Variants in SLC11A2 observed in about 807,000 individuals in gnomAD.
SLC11A2 encodes the protein natural resistance-associated macrophage protein 2.
SLC11A2 carries 38 observed loss-of-function variants against 68.0 expected under a neutral mutation model. The ratio of observed to expected loss-of-function variants is 0.56; its 90% CI spans 0.43 to 0.73. The LOEUF (loss-of-function observed/expected upper bound fraction) is 0.73. Among genes scored for constraint, SLC11A2 ranks in the 30% least tolerant of loss-of-function variants. The pLI is 0.00. For missense variants in SLC11A2, 517 were observed against 690.5 expected, an observed-to-expected ratio of 0.75 and a Z score of 2.82; for synonymous variants, 242 against 250.6, an observed-to-expected ratio of 0.97 and a Z score of 0.32.
intron 5 of SLC11A2, among the ~76,000 whole-genome samples, chr12:51,003,233 TCAAA>T (rs768941259): frequency 1.1e-4 from 17 of 150,890 alleles, no homozygotes; most frequent in African/African-American, 2.7e-4. Flanking sequence ...AAACTCCGTC[TCAAA>T]CAAACAAACA....
intron 1 of SLC11A2, chr12:51,024,290 G>C (rs990682876): frequency 1.3e-5 from 2 of 152,246 alleles, no homozygotes; most frequent in Non-Finnish European, 2.9e-5. Flanking sequence ...ATATCTGTCA[G>C]CAGACATTTG....
chr12:50,970,369 A>G, the SLC11A2 span: 1 of 812,426 alleles, frequency 1.2e-6, no homozygotes, highest in Non-Finnish European at 2.1e-6. Context: ...TTTCATAAAA[A>G]TACAACAAGT....
At chr12:50,993,952 A>C (rs781325657) in intron 11 of SLC11A2, among the ~76,000 whole-genome samples, 59 of 130,648 alleles carry the variant, frequency 4.5e-4, no homozygotes, top group Non-Finnish European at 7.2e-4. Flanking sequence ...TGATCGAGCC[A>C]CTGTACCCCA....
chr12:50,997,705 A>AAT (rs1941835940), intron 8 of SLC11A2, among the ~76,000 whole-genome samples: 1 of 148,830 alleles, frequency 6.7e-6, no homozygotes, highest in East Asian at 2.0e-4. Context: ...AAAAAAAAAA[A>AAT]GGCCAGGCAT....
the SLC11A2 span, among the ~76,000 whole-genome samples, chr12:50,968,609 T>G: frequency 6.6e-6 from 1 of 152,010 alleles, no homozygotes; most frequent in Non-Finnish European, 1.5e-5. Context: ...GAGTGCAATC[T>G]CAGCTCACTG....
chr12:51,027,116 A>G (rs224576), upstream of SLC11A2, among the ~76,000 whole-genome samples: 137,488 of 151,122 alleles, frequency 0.91, 62,822 homozygotes, highest in East Asian at 0.98. Flanking sequence ...GCGGAGGTGC[A>G]GTGAGCCGAG....
chr12:50,953,856 T>C, the SLC11A2 span: 3 of 556,392 alleles, frequency 5.4e-6, no homozygotes, highest in African/African-American at 1.9e-5. Flanking sequence ...GGAAAGACAA[T>C]TGTTTCAGTT....
At chr12:51,004,458 T>C (rs1384447540) in intron 5 of SLC11A2, among the ~76,000 whole-genome samples, 3 of 152,194 alleles carry the variant, frequency 2.0e-5, no homozygotes, top group African/African-American at 4.8e-5. Flanking sequence ...TGGAGTAACA[T>C]GGAGGTATGA....
At chr12:50,975,140 C>G (rs1436843382), downstream of SLC11A2, among the ~76,000 whole-genome samples, 1 of 152,136 alleles carries the variant, frequency 6.6e-6, no homozygotes. Context: ...CCAAGTGGAC[C>G]TAATAGACAT....
At chr12:50,999,685 T>C (rs995952832) in intron 6 of SLC11A2, 6 of 463,170 alleles carry the variant, frequency 1.3e-5, no homozygotes, top group South Asian at 2.1e-5. Context: ...GTTAGACAGA[T>C]AGAATTTTAT....
the SLC11A2 span, among the ~76,000 whole-genome samples, chr12:50,969,258 C>T: frequency 2.0e-5 from 3 of 151,734 alleles, no homozygotes; most frequent in East Asian, 3.9e-4. Context: ...CACCCCACTG[C>T]ACTCCAGCCT....
intron 5 of SLC11A2, chr12:51,000,668 CT>C: frequency 1.7e-6 from 1 of 584,494 alleles, no homozygotes; most frequent in Non-Finnish European, 3.0e-6. Context: ...ATTGATCTTA[CT>C]TTTTTCTTTT....
downstream of SLC11A2, among the ~76,000 whole-genome samples, chr12:50,982,099 C>T (rs931504132): frequency 6.6e-6 from 1 of 152,180 alleles, no homozygotes; most frequent in African/African-American, 2.4e-5. Flanking sequence ...TGCTTCAAAT[C>T]AGGATAAGAA....
chr12:50,963,833 C>G, the SLC11A2 span, among the ~76,000 whole-genome samples: 62 of 152,196 alleles, frequency 4.1e-4, no homozygotes, highest in Non-Finnish European at 7.2e-4. Context: ...CAGGCTACTT[C>G]AACTGACATA....
chr12:50,987,625 T>A lies in SLC11A2; in HGVS notation c.*700A>T. On this transcript the variant is annotated 3_prime_UTR_variant, in exon 16 of 16. Transcript: ENST00000262052. ...CAAGAAATCCTCATAAGCTTTTCAA[T>A]CTGAGGAAAATCCTGAGAAGGTAAT... 7.8e-7 allele frequency: 1 copy of A among 1,287,236 alleles called. No individual in the cohort carries two copies. The highest frequency in any genetic ancestry group is 1.0e-6 in the Non-Finnish European group (1 of 988,706). 79.7% of individuals were successfully genotyped at this position (1,287,236 alleles called of 1,614,324 possible).
chr12:51,012,530 AC>A (rs1710845588), intron 1 of SLC11A2, among the ~76,000 whole-genome samples: 1 of 151,856 alleles, frequency 6.6e-6, no homozygotes, highest in Non-Finnish European at 1.5e-5. Context: ...TCTTTTTTCC[AC>A]CCTTGTCCCT....
downstream of SLC11A2, among the ~76,000 whole-genome samples, chr12:50,982,007 T>C (rs540547014): frequency 6.6e-6 from 1 of 152,290 alleles, no homozygotes; most frequent in East Asian, 1.9e-4. Flanking sequence ...GCTGAAATAG[T>C]TAAGGACTGA....
upstream of SLC11A2, chr12:51,028,214 C>T (rs765396789): frequency 6.5e-7 from 1 of 1,535,592 alleles, no homozygotes; most frequent in South Asian, 1.2e-5. Context: ...TCTTCAGCTG[C>T]TTCTTCCTCA....
downstream of SLC11A2, among the ~76,000 whole-genome samples, chr12:50,976,772 A>C (rs1939854448): frequency 6.6e-6 from 1 of 152,098 alleles, no homozygotes; most frequent in African/African-American, 2.4e-5. Flanking sequence ...CAGAATCTCA[A>C]GGTGATAAGC....
Sources: gnomAD v4.1 joint callset for allele counts (sites outside exome capture counted in the v4.1 genomes callset) on GRCh38, gnomAD v4.1.1 for gene constraint, MANE v1.5 for transcripts, NCBI Gene and HGNC (gene_info 2026-07-23, HGNC 2026-07-21) for gene names.